GRID2: variants seen among roughly 807,000 people sequenced by gnomAD.
GRID2 encodes the protein glutamate receptor ionotropic, delta-2.
In GRID2, 33 loss-of-function variants were observed where a neutral mutation model predicts 114.8. The observed-to-expected ratio is 0.29, with a 90% CI of 0.22 to 0.38. GRID2 has a LOEUF of 0.38. Ranked by LOEUF, GRID2 falls within the 10% of genes least tolerant of loss-of-function variation. GRID2 has a pLI of 1.00. For missense variants in GRID2, 1,184 were observed against 1,257.7 expected (o/e 0.94, Z 0.89); for synonymous variants, 505 against 449.9 (o/e 1.12, Z -1.55).
chr4:93,332,297 T>TGAGAGAGAGAGA (rs1255976950), intron 8 of GRID2, among the ~76,000 whole-genome samples: 68 of 133,044 alleles, frequency 5.1e-4, no homozygotes, highest in African/African-American at 1.8e-3. Flanking sequence ...TGTGTGTGTG[T>TGAGAGAGAGAGA]GTGAGAGAGA....
At chr4:92,918,142 G>A (rs1480042133) in intron 2 of GRID2, among the ~76,000 whole-genome samples, 2 of 151,960 alleles carry the variant, frequency 1.3e-5, no homozygotes, top group African/African-American at 4.8e-5. Context: ...TCATGATTTG[G>A]CTCTCTGTTT....
intron 14 of GRID2, among the ~76,000 whole-genome samples, chr4:93,697,342 C>T (rs1727106574): frequency 6.6e-6 from 1 of 152,076 alleles, no homozygotes; most frequent in Non-Finnish European, 1.5e-5. Flanking sequence ...GCTTATCATT[C>T]CAATTCTTGT....
intron 1 of GRID2, among the ~76,000 whole-genome samples, chr4:92,557,942 G>A (rs1030290601): frequency 2.6e-5 from 4 of 152,074 alleles, no homozygotes; most frequent in African/African-American, 9.7e-5. Flanking sequence ...GAATCACAGG[G>A]CCAGAATAAT....
chr4:92,389,399 T>C (rs1464195287), intron 1 of GRID2, among the ~76,000 whole-genome samples: 3 of 152,096 alleles, frequency 2.0e-5, no homozygotes, highest in Non-Finnish European at 2.9e-5. Flanking sequence ...GACATGAATC[T>C]GATTCCCTTC....
chr4:93,277,989 G>A (rs1752237223), intron 8 of GRID2, among the ~76,000 whole-genome samples: 1 of 151,932 alleles, frequency 6.6e-6, no homozygotes, highest in South Asian at 2.1e-4. Flanking sequence ...GAGAAGAAAA[G>A]ACAAGGGATT....
chr4:92,358,869 A>G (rs1211069820), intron 1 of GRID2, among the ~76,000 whole-genome samples: 1 of 151,978 alleles, frequency 6.6e-6, no homozygotes, highest in Non-Finnish European at 1.5e-5. Flanking sequence ...TATAGAAGTC[A>G]TATATGTATG....
intron 2 of GRID2, among the ~76,000 whole-genome samples, chr4:93,026,848 C>A (rs969384711): frequency 1.3e-5 from 2 of 151,918 alleles, no homozygotes; most frequent in Non-Finnish European, 2.9e-5. Context: ...ACACAGCATA[C>A]ATTTTAACCT....
rs539883801 is a variant in GRID2, at chr4:93,169,999, T to C, written c.736-37405T>C. ...TTAACTTGAAAAGGAAAACAATGAA[T>C]GTTATTATTTTCATCATGCCTTGTA... On this transcript the variant is annotated intron_variant, in intron 4 of 15. Transcript: ENST00000282020. 2.6e-5 allele frequency among the ~76,000 whole-genome samples: 4 copies of C among 152,354 alleles called. No individual in the cohort carries two copies. The East Asian group carries it at 7.7e-4, about 29-fold the overall frequency.
intron 1 of GRID2, among the ~76,000 whole-genome samples, chr4:92,416,133 A>C (rs1731606455): frequency 6.6e-6 from 1 of 151,910 alleles, no homozygotes; most frequent in Admixed American, 6.6e-5. Flanking sequence ...TTGCGGTTTT[A>C]ATTTACATTT....
intron 2 of GRID2, among the ~76,000 whole-genome samples, chr4:92,653,516 C>T (rs1732078239): frequency 6.6e-6 from 1 of 151,902 alleles, no homozygotes; most frequent in Non-Finnish European, 1.5e-5. Context: ...CCCCTATTAT[C>T]TTGGGCACAT....
intron 1 of GRID2, among the ~76,000 whole-genome samples, chr4:92,419,452 T>G (rs1031560042): frequency 6.6e-6 from 1 of 152,076 alleles, no homozygotes. Flanking sequence ...TTCTGGTAAA[T>G]TAAGATGACG....
At chr4:92,917,707 T>A (rs1187022885) in intron 2 of GRID2, among the ~76,000 whole-genome samples, 2 of 152,112 alleles carry the variant, frequency 1.3e-5, no homozygotes, top group African/African-American at 2.4e-5. Flanking sequence ...CCATTGGTGT[T>A]TATCTCTGTT....
intron 2 of GRID2, among the ~76,000 whole-genome samples, chr4:92,656,821 A>C (rs1732262904): frequency 6.6e-6 from 1 of 151,816 alleles, no homozygotes; most frequent in Non-Finnish European, 1.5e-5. Flanking sequence ...TAGCAATTAG[A>C]GTAATTTTAT....
At chr4:93,725,154 C>A (rs1729740885) in intron 14 of GRID2, among the ~76,000 whole-genome samples, 1 of 152,086 alleles carries the variant, frequency 6.6e-6, no homozygotes, top group Non-Finnish European at 1.5e-5. Flanking sequence ...AAACAACAGT[C>A]CCTGGTGTGT....
At chr4:92,683,096 A>G (rs748823406) in intron 2 of GRID2, among the ~76,000 whole-genome samples, 6 of 152,074 alleles carry the variant, frequency 3.9e-5, no homozygotes, top group African/African-American at 7.2e-5. Flanking sequence ...TCAGGGGATC[A>G]AGACCATCCT....
chr4:93,241,871 T>A (rs1747557935), intron 8 of GRID2, among the ~76,000 whole-genome samples: 1 of 151,448 alleles, frequency 6.6e-6, no homozygotes, highest in Admixed American at 6.6e-5. Flanking sequence ...TGGGAGAGAT[T>A]TTTTACAATG....
chr4:92,405,856 A>G (rs1368198196), intron 1 of GRID2, among the ~76,000 whole-genome samples: 1 of 152,044 alleles, frequency 6.6e-6, no homozygotes. Flanking sequence ...GGACAGAACT[A>G]ATAGGATAGA....
At position 93,316,381 on chromosome 4, in the gene GRID2, A is replaced by AT. The variant is rs1394170642; in HGVS notation, c.1245+77891_1245+77892insT. 1.8e-3 allele frequency among the ~76,000 whole-genome samples: 198 copies of AT among 110,216 alleles called. 3 individuals are homozygous for AT. Among genetic ancestry groups the AT allele is most frequent in the African/African-American group, 5.5e-3 (144 of 26,250 alleles). The allele number at this position is 110,216 out of a possible 152,430, so 72.3% of individuals were successfully genotyped here. A position where few individuals can be genotyped will look rare whatever the true frequency, so the allele number is the denominator to read the frequency against. On this transcript the variant is annotated intron_variant, in intron 8 of 15. Coordinates refer to ENST00000282020, the MANE Select transcript of GRID2 (RefSeq NM_001510.4). ...GAAGGAAAAGAAAAAGAAAGAAAGAAAGAATAGAAAAGGAAGGAAGGAAGG... is the reference window on the plus strand; with the variant it reads ...GAAGGAAAAGAAAAAGAAAGAAAGAATAGAATAGAAAAGGAAGGAAGGAAGG...
intron 2 of GRID2, among the ~76,000 whole-genome samples, chr4:93,022,375 C>A (rs975450998): frequency 6.6e-6 from 1 of 151,830 alleles, no homozygotes; most frequent in African/African-American, 2.4e-5. Context: ...TCCTTCTATG[C>A]ATTCTAATTC....
Sources: allele counts gnomAD v4.1 joint callset (sites outside exome capture counted in the v4.1 genomes callset), GRCh38; gene constraint gnomAD v4.1.1; transcripts MANE v1.5; gene names NCBI Gene and HGNC (gene_info 2026-07-23, HGNC 2026-07-21).